Variants in INTS11 observed in about 807,000 individuals in gnomAD.
INTS11 encodes CPSF3-like protein.
Under a neutral mutation model 78.6 loss-of-function variants are expected in INTS11, and 77 were observed. The observed-to-expected ratio is 0.98, with a 90% CI of 0.81 to 1.18. INTS11 has a LOEUF of 1.18. INTS11 is among the 50% of genes most tolerant of loss of function. The probability of loss-of-function intolerance (pLI) is 0.00; values close to 1 mark genes in which losing one functional copy is unlikely to be tolerated. For missense variants in INTS11, 875 were observed against 825.9 expected (o/e 1.06, Z -0.73); for synonymous variants, 441 against 326.9 (o/e 1.35, Z -3.77).
At chr1:1,322,956 A>C in intron 1 of INTS11, 1 of 1,352,358 alleles carries the variant, frequency 7.4e-7, no homozygotes, top group Non-Finnish European at 9.5e-7. Context: ...GCCACATGAA[A>C]GATCAGAAAG....
Position 1,314,005 on chromosome 1 carries a change from C to T in INTS11, c.768-84G>A, listed in dbSNP as rs12097895. On this transcript the variant is annotated intron_variant, in intron 8 of 16. Coordinates refer to ENST00000435064, the MANE Select transcript of INTS11 (RefSeq NM_017871.6). This position sits in a 1 kb window ranked among gnomAD's most constrained non-coding sequence, Gnocchi z 4.2. ...ACTCGGCCGGGTCACCCCCAACACC[C>T]GTGTCTGCACAGCCCACGCACGGGC... 1.4e-5 allele frequency: 19 copies of T among 1,389,332 alleles called. No individual in the cohort carries two copies. The highest frequency in any genetic ancestry group is 1.8e-5 in the Non-Finnish European group (18 of 997,322). The allele number at this position is 1,389,332 out of a possible 1,614,324, so 86.1% of individuals were successfully genotyped here. A position where few individuals can be genotyped will look rare whatever the true frequency, so the allele number is the denominator to read the frequency against.
At position 1,313,135 on chromosome 1, in the gene INTS11, G is replaced by C. The variant is rs772115268; in HGVS notation, c.1042-11C>G. The stretch of plus-strand genomic sequence containing the variant: ...GCCGGGCATGATGACCTGGGGGCAG[G>C]CACAGAGCTCACAGCCAGGGAACTC... On this transcript the variant is annotated splice_polypyrimidine_tract_variant and intron_variant, in intron 10 of 16. Transcript: ENST00000435064. 9 of 1,602,654 alleles carry C rather than the reference G, an allele frequency of 5.6e-6. No homozygotes were observed. Among genetic ancestry groups the C allele is most frequent in the Non-Finnish European group, 6.8e-6 (8 of 1,178,080 alleles).
intron 4 of INTS11, 47 bp from the exon 5 acceptor site, chr1:1,315,665 G>A (rs747288384): frequency 1.6e-5 from 23 of 1,407,772 alleles, no homozygotes; most frequent in Non-Finnish European, 2.1e-5. Context: ...ACAGCAGAGG[G>A]GCGGGGAGTG....
intron 4 of INTS11, chr1:1,317,428 G>T (rs1642685403): frequency 1.1e-6 from 1 of 944,054 alleles, no homozygotes; most frequent in Non-Finnish European, 1.3e-6. Context: ...GAATTCAACA[G>T]ATGAATTTAA....
intron 4 of INTS11, chr1:1,318,734 A>G: frequency 2.1e-6 from 1 of 484,168 alleles, no homozygotes; most frequent in East Asian, 3.4e-5. Flanking sequence ...AAATGTTCCA[A>G]AATACATAGG....
At chr1:1,318,894 G>A (rs909601979) in intron 4 of INTS11, 5 of 691,096 alleles carry the variant, frequency 7.2e-6, no homozygotes, top group African/African-American at 5.3e-5. Context: ...CCAGAACCAG[G>A]CACCCTCCAG....
rs1330342378 is a variant in INTS11 at position 1,311,648 on chromosome 1, T to C, written c.*211A>G. 1 of 709,026 alleles carries C rather than the reference T, an allele frequency of 1.4e-6. No individual in the cohort carries two copies. Among genetic ancestry groups the C allele is most frequent in the Admixed American group, 2.0e-5 (1 of 48,976 alleles). 43.9% of individuals were successfully genotyped at this position (709,026 alleles called of 1,614,324 possible). A position where few individuals can be genotyped will look rare whatever the true frequency, so the allele number is the denominator to read the frequency against. ...AACTGCTGTCTAGGACCACCTGCCC[T>C]AACCAGGAATAAAGGCAAGACAGCC... On this transcript the variant is annotated 3_prime_UTR_variant, in exon 17 of 17. Coordinates refer to ENST00000435064, the MANE Select transcript of INTS11 (RefSeq NM_017871.6).
rs1642436325 is a variant in INTS11 at position 1,314,282 on chromosome 1, C to T, written c.767+19G>A. 1.3e-6 allele frequency: 2 copies of T among 1,579,534 alleles called. No individual in the cohort carries two copies. The highest frequency in any genetic ancestry group is 1.7e-6 in the Non-Finnish European group (2 of 1,163,880). On this transcript the variant is annotated intron_variant, in intron 8 of 16. Coordinates refer to ENST00000435064, the MANE Select transcript of INTS11 (RefSeq NM_017871.6). This position sits in a 1 kb window ranked among gnomAD's most constrained non-coding sequence, Gnocchi z 4.2. ...GCCGGGCCAGGGGCTCCTTAAAGAG[C>T]CGTCCTGGCGGCACCTACCAGAAGG... is the stretch of plus-strand genomic sequence containing the variant.
At chr1:1,321,191 C>A in intron 1 of INTS11, 98 bp from the exon 2 acceptor site, 4 of 914,044 alleles carry the variant, frequency 4.4e-6, no homozygotes, top group Non-Finnish European at 6.9e-6. Context: ...GGAAACCGGA[C>A]CAAGTCTGCT....
intron 8 of INTS11, 62 bp from the exon 9 acceptor site, chr1:1,313,983 C>T (rs12569278): frequency 2.6e-5 from 40 of 1,536,852 alleles, no homozygotes; most frequent in Admixed American, 5.2e-5. Flanking sequence ...GGGCAGGACT[C>T]GGCCGGGTCA....
chr1:1,321,898 T>A, intron 1 of INTS11: 55 of 1,141,830 alleles, frequency 4.8e-5, no homozygotes, highest in Non-Finnish European at 6.0e-5. Context: ...TCCCCTTGAA[T>A]CCCACCCACC....
chr1:1,314,445 G>A lies in INTS11; in HGVS notation c.703-80C>T. The A allele has an allele frequency of 6.1e-6, 8 of 1,317,838 alleles. No homozygotes were observed. Among genetic ancestry groups the A allele is most frequent in the Admixed American group, 2.3e-5 (1 of 44,246 alleles). 81.6% of individuals were successfully genotyped at this position (1,317,838 alleles called of 1,614,324 possible). On this transcript the variant is annotated intron_variant, in intron 7 of 16. Coordinates refer to ENST00000435064, the MANE Select transcript of INTS11 (RefSeq NM_017871.6). This position sits in a 1 kb window ranked among gnomAD's most constrained non-coding sequence, Gnocchi z 4.2. The stretch of plus-strand genomic sequence containing the variant: ...CAGCGTCCAGTGAGGGCACGGCCAG[G>A]TGCCCAAGAGCTGCGGCCTCATAGG...
At position 1,312,213 on chromosome 1, in the gene INTS11, G is replaced by GGGGGGCCCCGCCCCCCCCC; in HGVS notation, c.1607+12_1607+13insGGGGGGGGGCGGGGCCCCC. On this transcript the variant is annotated intron_variant, in intron 15 of 16. Transcript: ENST00000435064. Reference sequence around the variant, plus strand: ...CCCAAGGGAGTGGGGGGGGGGCGGGGCCGGGCGCCCACCTCTTGAGGTGGC... The same window carrying GGGGGGCCCCGCCCCCCCCC: ...CCCAAGGGAGTGGGGGGGGGGCGGGGGGGGGCCCCGCCCCCCCCCCCGGGCGCCCACCTCTTGAGGTGGC... The GGGGGGCCCCGCCCCCCCCC allele has an allele frequency of 1.1e-6, 1 of 934,626 alleles. No individual in the cohort carries two copies. The highest frequency in any genetic ancestry group is 1.6e-6 in the Non-Finnish European group (1 of 636,674). 57.9% of individuals were successfully genotyped at this position (934,626 alleles called of 1,614,324 possible). A position where few individuals can be genotyped will look rare whatever the true frequency, so the allele number is the denominator to read the frequency against.
chr1:1,313,513 TTC>T lies in INTS11; in HGVS notation c.1035_1036del (p.Asn346HisfsTer126), dbSNP rs1642374104. On this transcript the variant is annotated frameshift_variant, in exon 10 of 17. Transcript: ENST00000435064. LOFTEE classifies it high-confidence loss of function. ...CACACCTCACCATGCCCTCACCATGTTCTTTTCGTTTCCGGCCCATTTCCGGA... is the reference window on the plus strand; with the variant it reads ...CACACCTCACCATGCCCTCACCATGTTTTTCGTTTCCGGCCCATTTCCGGA... The T allele has an allele frequency of 6.2e-7, 1 of 1,612,902 alleles. No individual in the cohort carries two copies. The highest frequency in any genetic ancestry group is 1.7e-5 in the Admixed American group (1 of 60,004).
chr1:1,318,822 T>C (rs1414080047), intron 4 of INTS11: 1 of 610,614 alleles, frequency 1.6e-6, no homozygotes, highest in East Asian at 2.8e-5. Flanking sequence ...ATAATCTTTG[T>C]CAGAAATGGA....
At position 1,313,110 on chromosome 1, in the gene INTS11, GC is replaced by G; in HGVS notation, c.1055del (p.Gly352AlafsTer72). On this transcript the variant is annotated frameshift_variant, in exon 11 of 17. Transcript: ENST00000435064. LOFTEE classifies it high-confidence loss of function. ...GNEKNMVIMP[G>X]YCVQGTVGHK... ...GGCCGACGGTGCCCTGCACGCAGTA[GC>G]CGGGCATGATGACCTGGGGGCAGGC... 1 of 1,607,792 alleles carries G rather than the reference GC, an allele frequency of 6.2e-7. No individual in the cohort carries two copies. Among genetic ancestry groups the G allele is most frequent in the Non-Finnish European group, 8.5e-7 (1 of 1,179,660 alleles).
intron 3 of INTS11, chr1:1,320,023 TG>T (rs5772041): frequency 0.79 from 151,912 of 193,330 alleles, 64,485 homozygotes; most frequent in Non-Finnish European, 0.93. Flanking sequence ...GCCTGGCTGC[TG>T]GGGAGGACAG....
Position 1,312,207 on chromosome 1 carries a change from G to GGGGGT in INTS11, c.1607+18_1607+19insACCCC. 8.7e-7 allele frequency: 1 copy of GGGGGT among 1,151,088 alleles called. No individual in the cohort carries two copies. Among genetic ancestry groups the GGGGGT allele is most frequent in the Non-Finnish European group, 1.2e-6 (1 of 820,456 alleles). The allele number at this position is 1,151,088 out of a possible 1,614,324, so 71.3% of individuals were successfully genotyped here. A position where few individuals can be genotyped will look rare whatever the true frequency, so the allele number is the denominator to read the frequency against. On this transcript the variant is annotated intron_variant, in intron 15 of 16. Transcript: ENST00000435064. ...CCAGGGCCCAAGGGAGTGGGGGGGG[G>GGGGGT]GCGGGGCCGGGCGCCCACCTCTTGA... is the stretch of plus-strand genomic sequence containing the variant.
At chr1:1,315,139 A>AG in intron 6 of INTS11, 177 bp from the exon 7 acceptor site, 1 of 806,886 alleles carries the variant, frequency 1.2e-6, no homozygotes, top group Admixed American at 2.8e-5. Context: ...GAGGAGAGAC[A>AG]GAGGCACCCA....
Sources: gnomAD v4.1 joint callset for allele counts on GRCh38, gnomAD v4.1.1 for gene constraint, Gnocchi (gnomAD v3.1) non-coding constraint, MANE v1.5 for transcripts, NCBI Gene and HGNC (gene_info 2026-07-23, HGNC 2026-07-21) for gene names.